The following CALCOCO2 variants were observed in gnomAD, a reference collection of about 807,000 sequenced individuals.
CALCOCO2 encodes calcium binding and coiled-coil domain 2.
Under a neutral mutation model 62.5 loss-of-function variants are expected in CALCOCO2, and 42 were observed. That is an observed-to-expected ratio of 0.67 (90% CI 0.53 to 0.87). The LOEUF (loss-of-function observed/expected upper bound fraction) is 0.87. Ranked by LOEUF, CALCOCO2 falls within the 40% of genes least tolerant of loss-of-function variation. The pLI, the probability that CALCOCO2 is intolerant of heterozygous loss-of-function variation, is 0.00. For synonymous variants in CALCOCO2, 167 were observed against 173.0 expected (o/e 0.97, Z 0.27); for missense variants, 456 against 515.0 (o/e 0.89, Z 1.11).
chr17:48,845,822 G>A (rs1172046462), intron 2 of CALCOCO2, among the ~76,000 whole-genome samples: 6 of 151,924 alleles, frequency 3.9e-5, no homozygotes, highest in African/African-American at 1.2e-4. Flanking sequence ...GCATAAGTAA[G>A]TAACATGAAT....
At chr17:48,854,597 G>T (rs1243214236) in intron 9 of CALCOCO2, among the ~76,000 whole-genome samples, 1 of 149,408 alleles carries the variant, frequency 6.7e-6, no homozygotes, top group African/African-American at 2.5e-5. Context: ...GTAGAGACGG[G>T]GTTTTGCCAT....
chr17:48,850,026 C>A (rs1357926487), intron 5 of CALCOCO2, among the ~76,000 whole-genome samples: 1 of 151,178 alleles, frequency 6.6e-6, no homozygotes, highest in Non-Finnish European at 1.5e-5. Flanking sequence ...GGAGACCGGG[C>A]GTGGTGGCTC....
At chr17:48,856,695 C>A in intron 10 of CALCOCO2, 1 of 444,426 alleles carries the variant, frequency 2.3e-6, no homozygotes, top group Middle Eastern at 3.5e-4. Context: ...ATCCAACCAA[C>A]ATTTATTATT....
Position 48,863,207 on chromosome 17 carries a change from C to A in CALCOCO2, c.*202C>A, listed in dbSNP as rs985265634. On this transcript the variant is annotated 3_prime_UTR_variant, in exon 13 of 13. Coordinates refer to ENST00000258947, the MANE Select transcript of CALCOCO2 (RefSeq NM_005831.5). ...TGCTGCCATCCTTGTGGGTTGCTAC[C>A]TTTAAGTCGCATAACTCTAGCTGTA... 3.7e-6 allele frequency: 2 copies of A among 534,504 alleles called. No homozygotes were observed. Among genetic ancestry groups the A allele is most frequent in the African/African-American group, 3.8e-5 (2 of 52,364 alleles). The allele number at this position is 534,504 out of a possible 1,614,324, so 33.1% of individuals were successfully genotyped here.
At chr17:48,842,475 A>C (rs983816639) in intron 2 of CALCOCO2, 2 of 151,628 alleles carry the variant, frequency 1.3e-5, no homozygotes, top group Admixed American at 6.6e-5. Context: ...GTCAAAAACC[A>C]AATATAAATA....
intron 2 of CALCOCO2, among the ~76,000 whole-genome samples, chr17:48,842,901 A>G (rs1165914152): frequency 6.7e-6 from 1 of 148,546 alleles, no homozygotes; most frequent in East Asian, 1.9e-4. Flanking sequence ...AGCCTCCCAA[A>G]TTAAATGCTT....
intron 2 of CALCOCO2, among the ~76,000 whole-genome samples, chr17:48,843,075 C>T (rs996687357): frequency 2.7e-4 from 41 of 152,118 alleles, no homozygotes; most frequent in African/African-American, 9.4e-4. Flanking sequence ...ATATTGACAT[C>T]CTGTATCCAA....
intron 9 of CALCOCO2, among the ~76,000 whole-genome samples, chr17:48,855,642 G>A (rs552466153): frequency 6.6e-6 from 1 of 152,036 alleles, no homozygotes; most frequent in African/African-American, 2.4e-5. Context: ...AACTTGAGCC[G>A]AGATGCCTAT....
chr17:48,844,920 A>C (rs1020227525), intron 2 of CALCOCO2, among the ~76,000 whole-genome samples: 3 of 152,070 alleles, frequency 2.0e-5, no homozygotes, highest in Non-Finnish European at 4.4e-5. Flanking sequence ...TGGATCACTT[A>C]AGGTCAGGAG....
At chr17:48,848,020 C>A in intron 2 of CALCOCO2, 44 bp from the exon 3 acceptor site, 1 of 1,085,030 alleles carries the variant, frequency 9.2e-7, no homozygotes, top group Non-Finnish European at 1.4e-6. Context: ...GGATTTTCCC[C>A]AGTCCCCTTT....
chr17:48,852,695 A>G, intron 8 of CALCOCO2, 67 bp downstream of exon 8: 1 of 1,479,764 alleles, frequency 6.8e-7, no homozygotes, highest in Admixed American at 1.8e-5. Context: ...TCTTTGTATA[A>G]AGAACATTTT....
chr17:48,850,329 C>T (rs1441302876), intron 5 of CALCOCO2, among the ~76,000 whole-genome samples: 4 of 151,550 alleles, frequency 2.6e-5, no homozygotes, highest in South Asian at 2.1e-4. Flanking sequence ...TGGTGGCATG[C>T]GCCTGTAATC....
intron 2 of CALCOCO2, chr17:48,846,117 T>C: frequency 9.2e-7 from 1 of 1,081,664 alleles, no homozygotes. Flanking sequence ...AGTAACTCTT[T>C]TTATTTTTTA....
chr17:48,849,522 T>C, intron 5 of CALCOCO2, 145 bp downstream of exon 5: 2 of 734,960 alleles, frequency 2.7e-6, no homozygotes. Flanking sequence ...GTTTGTTTGT[T>C]TGAAATGGAG....
chr17:48,853,011 T>C lies in CALCOCO2; in HGVS notation c.911T>C (p.Met304Thr), dbSNP rs374653369. The C allele has an allele frequency of 4.2e-5, 67 of 1,602,806 alleles. No homozygotes were observed. The highest frequency in any genetic ancestry group is 5.0e-5 in the Non-Finnish European group (58 of 1,169,804). Residue 304 changes from methionine (M) to threonine (T), a missense_variant and splice_region_variant, in exon 9 of 13, where the codon ATG becomes ACG. Transcript: ENST00000258947. Reference protein sequence around the residue: ...TTAMKKQQELMDENFDLSKRL... With the variant: ...TTAMKKQQELTDENFDLSKRL... ...GCAATGAAGAAACAACAGGAATTAA[T>C]GGCATGTCTGTCTTTGGATGGTTAT...
In CALCOCO2 at chr17:48,864,547, G is replaced by A. The variant is rs555637449; in HGVS notation, c.*1542G>A. The A allele has an allele frequency of 6.6e-6, 1 of 152,590 alleles. No individual in the cohort carries two copies. Among genetic ancestry groups the A allele is most frequent in the Non-Finnish European group, 1.5e-5 (1 of 68,204 alleles). The allele number at this position is 152,590 out of a possible 1,614,324, so 9.5% of individuals were successfully genotyped here. The stretch of plus-strand genomic sequence containing the variant: ...ACTGAACAAATGGAAATAACTCCCA[G>A]GCAGTATCAGGTGGTCACTACAGAG... On this transcript the variant is annotated 3_prime_UTR_variant, in exon 13 of 13. Transcript: ENST00000258947.
chr17:48,857,802 G>A (rs1262699615), intron 10 of CALCOCO2, among the ~76,000 whole-genome samples: 9 of 144,320 alleles, frequency 6.2e-5, no homozygotes, highest in South Asian at 4.6e-4. Flanking sequence ...GTGAAACCCC[G>A]TCTCTACTAA....
At position 48,860,394 on chromosome 17, in the gene CALCOCO2, A is replaced by G. The variant is rs1159669564; in HGVS notation, c.1089A>G (p.Ser363=). The G allele has an allele frequency of 6.2e-7, 1 of 1,613,902 alleles. No individual in the cohort carries two copies. The highest frequency in any genetic ancestry group is 1.1e-5 in the South Asian group (1 of 91,080). Residue 363 remains serine, a synonymous_variant, in exon 11 of 13, where the codon TCA becomes TCG. Coordinates refer to ENST00000258947, the MANE Select transcript of CALCOCO2 (RefSeq NM_005831.5). Reference sequence around the variant, plus strand: ...CTTTGCCGTATCAAGTACCTACTTCAGATGAAGGAGGCGCAAGACAAAATC... The same window carrying G: ...CTTTGCCGTATCAAGTACCTACTTCGGATGAAGGAGGCGCAAGACAAAATC... The part of the protein sequence containing the change: ...FNSLPYQVPT[S]DEGGARQNPG...
intron 2 of CALCOCO2, among the ~76,000 whole-genome samples, chr17:48,847,277 A>T (rs969308831): frequency 6.6e-5 from 10 of 152,146 alleles, no homozygotes; most frequent in African/African-American, 2.4e-4. Context: ...TTGGTATATG[A>T]CAAGGCTTAA....
Sources: gnomAD v4.1 joint callset for allele counts (sites outside exome capture counted in the v4.1 genomes callset) on GRCh38, gnomAD v4.1.1 for gene constraint, MANE v1.5 for transcripts, NCBI Gene and HGNC (gene_info 2026-07-23, HGNC 2026-07-21) for gene names.